The following BMERB1 variants were observed in gnomAD, a reference collection of about 807,000 sequenced individuals.
BMERB1 encodes the protein bMERB domain-containing protein 1.
BMERB1 carries 12 observed loss-of-function variants against 23.6 expected under a neutral mutation model. That is an observed-to-expected ratio of 0.51 (90% CI 0.33 to 0.82). BMERB1 has a LOEUF of 0.82. BMERB1 is among the 40% of genes least tolerant of loss of function. The pLI is 0.03. For missense variants in BMERB1, 247 were observed against 255.4 expected, an observed-to-expected ratio of 0.97 and a Z score of 0.22; for synonymous variants, 122 against 96.6, an observed-to-expected ratio of 1.26 and a Z score of -1.54.
intron 1 of BMERB1, among the ~76,000 whole-genome samples, chr16:15,504,445 ATT>A (rs796282260): frequency 1.4e-5 from 2 of 143,736 alleles, no homozygotes; most frequent in East Asian, 2.0e-4. Context: ...CTCTTCTTAA[ATT>A]TTTTTTTTTT....
chr16:15,516,947 A>G (rs945968819), intron 2 of BMERB1, among the ~76,000 whole-genome samples: 1 of 152,178 alleles, frequency 6.6e-6, no homozygotes, highest in Admixed American at 6.5e-5. Flanking sequence ...CTGAAAGCCC[A>G]TACTCTCACT....
At chr16:15,540,746 C>T (rs1017320516) in intron 2 of BMERB1, among the ~76,000 whole-genome samples, 6 of 152,174 alleles carry the variant, frequency 3.9e-5, no homozygotes, top group East Asian at 3.9e-4. Flanking sequence ...ACTTTGCCTG[C>T]GCCAGGGTCT....
intron 3 of BMERB1, among the ~76,000 whole-genome samples, chr16:15,568,692 C>G (rs2030645800): frequency 6.6e-6 from 1 of 152,048 alleles, no homozygotes; most frequent in Non-Finnish European, 1.5e-5. Context: ...TGAGATGATG[C>G]AAACTAAGTG....
chr16:15,532,900 A>G (rs1252019113), intron 2 of BMERB1: 1 of 425,956 alleles, frequency 2.3e-6, no homozygotes, highest in East Asian at 7.2e-5. Flanking sequence ...TTGCTTTCTG[A>G]TAAATAGACC....
chr16:15,566,548 A>G (rs534381422), intron 2 of BMERB1, among the ~76,000 whole-genome samples: 3 of 152,240 alleles, frequency 2.0e-5, no homozygotes, highest in South Asian at 2.1e-4. Context: ...AATCCCAGCT[A>G]CTAGCTACTC....
chr16:15,480,164 G>A (rs891687796), intron 1 of BMERB1, among the ~76,000 whole-genome samples: 4 of 151,190 alleles, frequency 2.6e-5, no homozygotes, highest in Non-Finnish European at 5.9e-5. Context: ...CCAGGCTGGA[G>A]TGCAGTGACA....
At chr16:15,445,360 C>T (rs141105498) in intron 1 of BMERB1, among the ~76,000 whole-genome samples, 1 of 152,206 alleles carries the variant, frequency 6.6e-6, no homozygotes, top group Non-Finnish European at 1.5e-5. Flanking sequence ...ATTGGCTTTA[C>T]AGCTATGGCA....
intron 1 of BMERB1, among the ~76,000 whole-genome samples, chr16:15,514,217 A>G (rs1048091846): frequency 6.6e-6 from 1 of 152,154 alleles, no homozygotes; most frequent in Non-Finnish European, 1.5e-5. Flanking sequence ...GCAGTGAGCT[A>G]TGATTGCACC....
In BMERB1 at chr16:15,489,967, C is replaced by T. The variant is rs550252716; in HGVS notation, c.107-25338C>T. Among the ~76,000 whole-genome samples the T allele has an allele frequency of 3.3e-5, 5 of 152,096 alleles. No individual in the cohort carries two copies. The South Asian group carries it at 8.3e-4, about 25-fold the overall frequency. ...CTGCAAGCTACGCCTCCCGGGTTCA[C>T]GCCATTCTCCTGCCTCAGCCTTCCG... On this transcript the variant is annotated intron_variant, in intron 1 of 5. Transcript: ENST00000300006.
chr16:15,529,582 T>A (rs1175709026), intron 2 of BMERB1, among the ~76,000 whole-genome samples: 1 of 152,114 alleles, frequency 6.6e-6, no homozygotes, highest in Non-Finnish European at 1.5e-5. Context: ...CTGACCTCCA[T>A]GAGGACAGAG....
chr16:15,451,892 C>T (rs2051045379), intron 1 of BMERB1, among the ~76,000 whole-genome samples: 1 of 151,676 alleles, frequency 6.6e-6, no homozygotes, highest in Non-Finnish European at 1.5e-5. Context: ...GTATTTCTTA[C>T]TGTGATCCAC....
chr16:15,567,317 T>G (rs1396495916), intron 2 of BMERB1, among the ~76,000 whole-genome samples: 1 of 152,234 alleles, frequency 6.6e-6, no homozygotes, highest in Non-Finnish European at 1.5e-5. Flanking sequence ...TCCTCTATGT[T>G]GTGAATTTCT....
intron 2 of BMERB1, chr16:15,533,012 T>TA (rs2150960079): frequency 2.2e-6 from 1 of 455,912 alleles, no homozygotes; most frequent in East Asian, 6.9e-5. Flanking sequence ...ACAAATATCT[T>TA]ACCTTCTCTG....
chr16:15,479,440 T>C (rs903036628), intron 1 of BMERB1, among the ~76,000 whole-genome samples: 1 of 152,188 alleles, frequency 6.6e-6, no homozygotes, highest in Non-Finnish European at 1.5e-5. Context: ...CAGTTTCAGA[T>C]TCCACATTGC....
chr16:15,517,944 G>GGT (rs907194839), intron 2 of BMERB1, among the ~76,000 whole-genome samples: 1 of 144,684 alleles, frequency 6.9e-6, no homozygotes. Flanking sequence ...TGCATGTGTG[G>GGT]GTGTGTGTGT....
intron 1 of BMERB1, among the ~76,000 whole-genome samples, chr16:15,442,339 A>C (rs2050946446): frequency 6.6e-6 from 1 of 152,090 alleles, no homozygotes; most frequent in African/African-American, 2.4e-5. Context: ...CAAGAAAAAA[A>C]AAAAAAAGAA....
intron 2 of BMERB1, among the ~76,000 whole-genome samples, chr16:15,526,485 G>A (rs899123952): frequency 1.3e-5 from 2 of 151,840 alleles, no homozygotes; most frequent in Admixed American, 6.6e-5. Flanking sequence ...CTAACACGGC[G>A]AAACCCCGTT....
chr16:15,554,187 C>T (rs2030176301), intron 2 of BMERB1, among the ~76,000 whole-genome samples: 1 of 151,426 alleles, frequency 6.6e-6, no homozygotes, highest in Non-Finnish European at 1.5e-5. Flanking sequence ...CTCTGTCTTC[C>T]TTGAACTCCA....
In BMERB1 at chr16:15,586,892, C is replaced by T; in HGVS notation, c.*63C>T. The T allele has an allele frequency of 9.2e-7, 1 of 1,090,850 alleles. No individual in the cohort carries two copies. Among genetic ancestry groups the T allele is most frequent in the South Asian group, 1.5e-5 (1 of 64,932 alleles). The allele number at this position is 1,090,850 out of a possible 1,614,324, so 67.6% of individuals were successfully genotyped here. A position where few individuals can be genotyped will look rare whatever the true frequency, so the allele number is the denominator to read the frequency against. ...CCCACCCTCTTGTCTTTATAGCCCC[C>T]ATTTCACCGGGGCCCAAGAGCTCTC... On this transcript the variant is annotated 3_prime_UTR_variant, in exon 6 of 6. Coordinates refer to ENST00000300006, the MANE Select transcript of BMERB1 (RefSeq NM_033201.3).
Sources: gnomAD v4.1 joint callset for allele counts (sites outside exome capture counted in the v4.1 genomes callset) on GRCh38, gnomAD v4.1.1 for gene constraint, MANE v1.5 for transcripts, NCBI Gene and HGNC (gene_info 2026-07-23, HGNC 2026-07-21) for gene names.